The following BMPR1B variants were observed in gnomAD, a reference collection of about 807,000 sequenced individuals.
BMPR1B encodes bone morphogenetic protein receptor type-1B.
A neutral mutation model predicts 59.1 loss-of-function variants in BMPR1B; 12 were observed. The observed-to-expected ratio is 0.20, with a 90% confidence interval of 0.13 to 0.33. BMPR1B has a LOEUF of 0.33. Among genes scored for constraint, BMPR1B ranks in the 10% least tolerant of loss-of-function variants. The probability of loss-of-function intolerance (pLI) is 1.00; values close to 1 mark genes in which losing one functional copy is unlikely to be tolerated. For missense variants in BMPR1B, 550 were observed against 610.9 expected, an observed-to-expected ratio of 0.90 and a Z score of 1.05; for synonymous variants, 237 against 207.3, an observed-to-expected ratio of 1.14 and a Z score of -1.23.
chr4:94,997,083 T>C (rs1480736859), intron 3 of BMPR1B, among the ~76,000 whole-genome samples: 1 of 152,218 alleles, frequency 6.6e-6, no homozygotes, highest in Non-Finnish European at 1.5e-5. Flanking sequence ...GTTGTTTCAC[T>C]AGAACTGTGG....
In BMPR1B at chr4:95,069,807, A is replaced by G. The variant is rs576345692; in HGVS notation, c.-17-34601A>G. ...AGATGAATGAATGGATATTTTAGAA[A>G]CTGTAATTTTGGCCAGGCGTGATGG... On this transcript the variant is annotated intron_variant, in intron 3 of 12. Coordinates refer to ENST00000515059, the MANE Select transcript of BMPR1B (RefSeq NM_001203.3). Among the ~76,000 whole-genome samples the G allele has an allele frequency of 2.6e-5, 4 of 152,262 alleles. No individual in the cohort carries two copies. In the South Asian group the frequency reaches 8.3e-4, roughly 32 times the overall value.
intron 2 of BMPR1B, among the ~76,000 whole-genome samples, chr4:94,989,087 A>G (rs1297976389): frequency 6.6e-6 from 1 of 152,102 alleles, no homozygotes; most frequent in Non-Finnish European, 1.5e-5. Context: ...TTTTGTCAAC[A>G]ACATATTTTG....
In BMPR1B at chr4:94,892,713, TC is replaced by T. The variant is rs548686730; in HGVS notation, c.-113+16816del. 3.5e-3 allele frequency among the ~76,000 whole-genome samples: 538 copies of T among 152,176 alleles called. 1 individual carries two copies. Among genetic ancestry groups the T allele is most frequent in the Non-Finnish European group, 6.0e-3 (406 of 67,982 alleles). On this transcript the variant is annotated intron_variant, in intron 2 of 12. Transcript: ENST00000515059. Reference sequence around the variant, plus strand: ...TTGTTTAGTGAGAGATGGAGAAATATCCCAGATCATTTTCTCAGGTTTCATT... The same window carrying T: ...TTGTTTAGTGAGAGATGGAGAAATATCCAGATCATTTTCTCAGGTTTCATT...
chr4:95,014,307 CTA>C (rs1723426582), intron 3 of BMPR1B, among the ~76,000 whole-genome samples: 1 of 152,154 alleles, frequency 6.6e-6, no homozygotes, highest in African/African-American at 2.4e-5. Context: ...AGAAGTTAGA[CTA>C]TCTTATAATT....
Position 95,149,492 on chromosome 4 carries a change from A to T in BMPR1B, c.1252+569A>T, listed in dbSNP as rs1339227728. Among the ~76,000 whole-genome samples the T allele has an allele frequency of 3.3e-5, 5 of 152,214 alleles. No homozygotes were observed. The South Asian group carries it at 1.0e-3, about 32-fold the overall frequency. On this transcript the variant is annotated intron_variant, in intron 11 of 12. Coordinates refer to ENST00000515059, the MANE Select transcript of BMPR1B (RefSeq NM_001203.3). ...TATTGTTTTTTCTACACATATGAGG[A>T]TTCCCTAGTAAAAACAATTATAATG...
intron 2 of BMPR1B, among the ~76,000 whole-genome samples, chr4:94,962,014 T>A (rs931626357): frequency 2.6e-5 from 4 of 152,158 alleles, no homozygotes; most frequent in African/African-American, 4.8e-5. Context: ...CACCTTATTG[T>A]GCTATGGAAA....
chr4:94,947,630 C>T (rs191381695), intron 2 of BMPR1B, among the ~76,000 whole-genome samples: 4 of 152,280 alleles, frequency 2.6e-5, no homozygotes, highest in East Asian at 1.9e-4. Context: ...TGAAGTAAAG[C>T]GTTTGCTAGA....
chr4:95,101,524 T>A (rs1456062941), intron 3 of BMPR1B, among the ~76,000 whole-genome samples: 1 of 152,130 alleles, frequency 6.6e-6, no homozygotes, highest in Non-Finnish European at 1.5e-5. Flanking sequence ...CTTTTAGAAG[T>A]ACCTTTGATA....
intron 3 of BMPR1B, among the ~76,000 whole-genome samples, chr4:95,082,054 A>G (rs747084560): frequency 8.0e-4 from 121 of 151,456 alleles, no homozygotes; most frequent in Admixed American, 1.4e-3. Context: ...ACATATGTAT[A>G]TATGTGCCAT....
chr4:94,998,459 C>T (rs539043831), intron 3 of BMPR1B, among the ~76,000 whole-genome samples: 48 of 151,564 alleles, frequency 3.2e-4, no homozygotes, highest in South Asian at 2.5e-3. Flanking sequence ...CTGCAACCTC[C>T]GTCTCCTGGG....
chr4:94,839,595 T>C (rs1287777985), intron 1 of BMPR1B, among the ~76,000 whole-genome samples: 2 of 149,610 alleles, frequency 1.3e-5, no homozygotes, highest in African/African-American at 4.9e-5. Flanking sequence ...CTGCCTTTTT[T>C]TGTTTTCTAT....
At chr4:94,759,013 T>C (rs1180270251) in intron 1 of BMPR1B, among the ~76,000 whole-genome samples, 1 of 152,184 alleles carries the variant, frequency 6.6e-6, no homozygotes, top group Non-Finnish European at 1.5e-5. Context: ...TGCTCGTCCC[T>C]CTTTCTGTCC....
chr4:94,933,348 CATA>C (rs1729167966), intron 2 of BMPR1B, among the ~76,000 whole-genome samples: 1 of 151,952 alleles, frequency 6.6e-6, no homozygotes, highest in Non-Finnish European at 1.5e-5. Flanking sequence ...TACTATTATA[CATA>C]ATATTAAATC....
At chr4:94,852,684 T>G (rs928159986) in intron 1 of BMPR1B, among the ~76,000 whole-genome samples, 2 of 152,148 alleles carry the variant, frequency 1.3e-5, no homozygotes, top group African/African-American at 4.8e-5. Context: ...ATGTAACTTA[T>G]CTTTTGATAT....
intron 2 of BMPR1B, among the ~76,000 whole-genome samples, chr4:94,986,553 T>C (rs1299975054): frequency 1.3e-5 from 2 of 152,180 alleles, no homozygotes; most frequent in African/African-American, 2.4e-5. Context: ...CCTTTTTTTT[T>C]CATTACTCTT....
chr4:95,000,195 A>T (rs1259146949), intron 3 of BMPR1B, among the ~76,000 whole-genome samples: 1 of 152,118 alleles, frequency 6.6e-6, no homozygotes, highest in Non-Finnish European at 1.5e-5. Flanking sequence ...AAACCTTATA[A>T]ACATCTTCCA....
intron 3 of BMPR1B, among the ~76,000 whole-genome samples, chr4:95,033,601 G>A (rs189233551): frequency 3.8e-4 from 58 of 152,160 alleles, no homozygotes; most frequent in African/African-American, 1.2e-3. Context: ...CAATGCCAGA[G>A]CAAAAGCGTT....
chr4:94,801,930 T>C (rs1384781195), intron 1 of BMPR1B, among the ~76,000 whole-genome samples: 1 of 152,232 alleles, frequency 6.6e-6, no homozygotes, highest in Non-Finnish European at 1.5e-5. Context: ...TATTTTCTCT[T>C]TCCACTGTGA....
intron 2 of BMPR1B, among the ~76,000 whole-genome samples, chr4:94,992,847 G>A (rs1560584330): frequency 6.6e-6 from 1 of 151,966 alleles, no homozygotes; most frequent in Non-Finnish European, 1.5e-5. Flanking sequence ...GCCTTTTCCA[G>A]AATGCCATAT....
Sources: gnomAD v4.1 joint callset for allele counts (sites outside exome capture counted in the v4.1 genomes callset) on GRCh38, gnomAD v4.1.1 for gene constraint, MANE v1.5 for transcripts, NCBI Gene and HGNC (gene_info 2026-07-23, HGNC 2026-07-21) for gene names.